The following NFIB variants were observed in gnomAD, a reference collection of about 807,000 sequenced individuals.
The protein encoded by NFIB is nuclear factor I B.
In NFIB, 11 loss-of-function variants were observed where a neutral mutation model predicts 61.5. The ratio of observed to expected loss-of-function variants is 0.18; its 90% confidence interval spans 0.11 to 0.30. The LOEUF (loss-of-function observed/expected upper bound fraction) is 0.30. Ranked by LOEUF, NFIB falls within the 10% of genes least tolerant of loss-of-function variation. NFIB has a pLI of 1.00. For missense variants in NFIB, 471 were observed against 608.9 expected, an observed-to-expected ratio of 0.77 and a Z score of 2.38; for synonymous variants, 260 against 216.5, an observed-to-expected ratio of 1.20 and a Z score of -1.76.
intron 2 of NFIB, among the ~76,000 whole-genome samples, chr9:14,191,964 A>C (rs2047997096): frequency 6.6e-6 from 1 of 152,192 alleles, no homozygotes; most frequent in South Asian, 2.1e-4. Context: ...ACAAGAAATC[A>C]CATCATTATT....
chr9:14,152,616 G>C (rs2131180353), intron 4 of NFIB, among the ~76,000 whole-genome samples: 1 of 152,156 alleles, frequency 6.6e-6, no homozygotes, highest in Non-Finnish European at 1.5e-5. Flanking sequence ...TTTAGGCAAA[G>C]ATTTATAGTT....
rs149950979 is a variant in NFIB, at chr9:14,140,826, T to A, written c.925+5863A>T. 1.4e-4 allele frequency among the ~76,000 whole-genome samples: 22 copies of A among 152,228 alleles called. No individual in the cohort carries two copies. The East Asian group carries it at 3.9e-3, about 27-fold the overall frequency. ...GCAAGTGCCTGTAGTCCCAGCTACC[T>A]GTGAAGCTGAGGTGGGAGGATCACT... On this transcript the variant is annotated intron_variant, in intron 6 of 10. Coordinates refer to ENST00000380953, the MANE Select transcript of NFIB (RefSeq NM_001190737.2).
At chr9:14,497,851 G>C in the NFIB span, among the ~76,000 whole-genome samples, 44 of 152,200 alleles carry the variant, frequency 2.9e-4, 1 homozygote, top group African/African-American at 9.9e-4. Context: ...TAAAGGACTT[G>C]TCATGCCATT....
intron 2 of NFIB, among the ~76,000 whole-genome samples, chr9:14,273,883 C>T (rs2057802587): frequency 6.6e-6 from 1 of 152,116 alleles, no homozygotes; most frequent in Non-Finnish European, 1.5e-5. Flanking sequence ...CTTTTGGTGC[C>T]CCCGAAATTG....
chr9:14,440,233 G>C, the NFIB span, among the ~76,000 whole-genome samples: 2 of 152,110 alleles, frequency 1.3e-5, no homozygotes, highest in Non-Finnish European at 2.9e-5. Context: ...TCCTCATCTT[G>C]TCTCCCACAT....
At chr9:14,230,367 A>G (rs1292887411) in intron 2 of NFIB, among the ~76,000 whole-genome samples, 1 of 152,204 alleles carries the variant, frequency 6.6e-6, no homozygotes, top group East Asian at 1.9e-4. Flanking sequence ...ATTAACAAAT[A>G]TTTGTTTAAC....
At chr9:14,246,924 G>A (rs982406061) in intron 2 of NFIB, among the ~76,000 whole-genome samples, 12 of 152,140 alleles carry the variant, frequency 7.9e-5, no homozygotes, top group Admixed American at 1.3e-4. Flanking sequence ...CTGTTAAAAC[G>A]GGTTTAGTAT....
chr9:14,174,317 A>G (rs534314177), intron 3 of NFIB, among the ~76,000 whole-genome samples: 2 of 152,328 alleles, frequency 1.3e-5, no homozygotes, highest in South Asian at 4.1e-4. Context: ...TTATGAATAG[A>G]GAGCCTATTT....
intron 1 of NFIB, among the ~76,000 whole-genome samples, chr9:14,308,866 A>G (rs1043220262): frequency 3.9e-5 from 6 of 152,200 alleles, no homozygotes; most frequent in Non-Finnish European, 7.3e-5. Flanking sequence ...AGATATTTCA[A>G]GTTACTTCCC....
chr9:14,200,538 C>T (rs1275819241), intron 2 of NFIB, among the ~76,000 whole-genome samples: 1 of 152,096 alleles, frequency 6.6e-6, no homozygotes. Context: ...TTTTAAAACA[C>T]GACTTGACTT....
intron 2 of NFIB, among the ~76,000 whole-genome samples, chr9:14,185,392 T>C (rs752400349): frequency 6.6e-6 from 1 of 152,204 alleles, no homozygotes; most frequent in Non-Finnish European, 1.5e-5. Flanking sequence ...TAGTATGCCA[T>C]TCATGGCACC....
intron 1 of NFIB, among the ~76,000 whole-genome samples, chr9:14,394,583 A>G (rs2061660949): frequency 6.6e-6 from 1 of 152,196 alleles, no homozygotes; most frequent in Non-Finnish European, 1.5e-5. Context: ...AAATGCCCCC[A>G]TGATTCAATT....
chr9:14,275,427 A>G (rs770834874), intron 2 of NFIB, among the ~76,000 whole-genome samples: 3 of 152,214 alleles, frequency 2.0e-5, no homozygotes, highest in Non-Finnish European at 4.4e-5. Context: ...GAATAAAGCG[A>G]TATCAGTGCA....
the NFIB span, among the ~76,000 whole-genome samples, chr9:14,437,478 C>T: frequency 0.91 from 137,919 of 152,246 alleles, 62,504 homozygotes; most frequent in South Asian, 0.94. Context: ...TTGAATTCAT[C>T]CCCAAAGATT....
chr9:14,188,464 G>A (rs985009371), intron 2 of NFIB, among the ~76,000 whole-genome samples: 1 of 152,134 alleles, frequency 6.6e-6, no homozygotes, highest in African/African-American at 2.4e-5. Context: ...AATAGCTCTC[G>A]CACTAGAGAG....
At chr9:14,460,078 T>C in the NFIB span, among the ~76,000 whole-genome samples, 17 of 152,170 alleles carry the variant, frequency 1.1e-4, no homozygotes, top group East Asian at 3.9e-4. Context: ...CGTATGTTTA[T>C]TGCAGCACTA....
chr9:14,500,769 T>C, the NFIB span, among the ~76,000 whole-genome samples: 1 of 152,142 alleles, frequency 6.6e-6, no homozygotes, highest in Non-Finnish European at 1.5e-5. Flanking sequence ...AGAATATTCG[T>C]CTTTGTTTCT....
intron 10 of NFIB, among the ~76,000 whole-genome samples, chr9:14,090,318 C>A (rs2033678097): frequency 6.6e-6 from 1 of 152,110 alleles, no homozygotes; most frequent in African/African-American, 2.4e-5. Flanking sequence ...AGCAGCTTAA[C>A]TGTTTTCACA....
chr9:14,299,205 T>C lies in NFIB; in HGVS notation c.562+7784A>G, dbSNP rs184510345. 4.8e-3 allele frequency among the ~76,000 whole-genome samples: 732 copies of C among 152,324 alleles called. 3 individuals are homozygous for C. The highest frequency in any genetic ancestry group is 7.9e-3 in the Non-Finnish European group (534 of 68,022). ...TATCTGTGCTCATGATTAGATTTTT[T>C]GTCCCAAGCTCTACCATTCCGTTAG... On this transcript the variant is annotated intron_variant, in intron 2 of 10. Coordinates refer to ENST00000380953, the MANE Select transcript of NFIB (RefSeq NM_001190737.2).
Sources: allele counts gnomAD v4.1 joint callset (sites outside exome capture counted in the v4.1 genomes callset), GRCh38; gene constraint gnomAD v4.1.1; transcripts MANE v1.5; gene names NCBI Gene and HGNC (gene_info 2026-07-23, HGNC 2026-07-21).